The following ROBO1 variants were observed in gnomAD, a reference collection of about 807,000 sequenced individuals.
The protein encoded by ROBO1 is roundabout guidance receptor 1, also known as roundabout homolog 1.
A neutral mutation model predicts 195.9 loss-of-function variants in ROBO1; 149 were observed. The ratio of observed to expected loss-of-function variants is 0.76; its 90% confidence interval spans 0.67 to 0.87. The LOEUF (loss-of-function observed/expected upper bound fraction) is 0.87. Among genes scored for constraint, ROBO1 ranks in the 40% least tolerant of loss-of-function variants. The probability of loss-of-function intolerance (pLI) is 0.00; values close to 1 mark genes in which losing one functional copy is unlikely to be tolerated. For synonymous variants in ROBO1, 816 were observed against 733.2 expected, an observed-to-expected ratio of 1.11 and a Z score of -1.82; for missense variants, 1,933 against 2,068.3, an observed-to-expected ratio of 0.93 and a Z score of 1.27.
intron 4 of ROBO1, among the ~76,000 whole-genome samples, chr3:78,860,328 T>TATATATA (rs1559934346): frequency 1.3e-4 from 4 of 31,258 alleles, no homozygotes; most frequent in East Asian, 8.2e-4. Flanking sequence ...ATATATATAT[T>TATATATA]TTTTTTTTTT....
At chr3:79,023,874 T>A (rs1429939255) in intron 3 of ROBO1, among the ~76,000 whole-genome samples, 2 of 151,274 alleles carry the variant, frequency 1.3e-5, no homozygotes, top group African/African-American at 4.9e-5. Flanking sequence ...CGGCTATTTT[T>A]TTTTTTTTTG....
chr3:78,668,174 A>T lies in ROBO1; in HGVS notation c.1759T>A (p.Ser587Thr). 1 of 1,613,808 alleles carries T rather than the reference A, an allele frequency of 6.2e-7. No homozygotes were observed. The highest frequency in any genetic ancestry group is 1.6e-4 in the Middle Eastern group (1 of 6,062). The change falls in exon 13 of 31, where the codon TCA (serine) becomes ACA (threonine). Residue 587 changes from serine (S) to threonine (T), a missense_variant. Coordinates refer to ENST00000464233, the MANE Select transcript of ROBO1 (RefSeq NM_002941.4). Reference sequence around the variant, plus strand: ...ATATAAGATGTTGGAGTTGCTCCTGAATTCAAATTTGGTTGCCACGATAAT... The same window carrying T: ...ATATAAGATGTTGGAGTTGCTCCTGTATTCAAATTTGGTTGCCACGATAAT... Reference protein sequence around the residue: ...VTLSWQPNLNSGATPTSYIIE... With the variant: ...VTLSWQPNLNTGATPTSYIIE...
chr3:79,496,638 C>T (rs976637313), intron 2 of ROBO1, among the ~76,000 whole-genome samples: 1 of 150,844 alleles, frequency 6.6e-6, no homozygotes, highest in African/African-American at 2.4e-5. Flanking sequence ...CCACCCGCCT[C>T]GGCCTCCCAA....
At chr3:79,061,946 A>C (rs1017881987) in intron 3 of ROBO1, among the ~76,000 whole-genome samples, 1 of 152,206 alleles carries the variant, frequency 6.6e-6, no homozygotes, top group Non-Finnish European at 1.5e-5. Flanking sequence ...ATGGACAAAG[A>C]CTTCATGACT....
chr3:78,698,571 G>T (rs2081351692), intron 8 of ROBO1, among the ~76,000 whole-genome samples: 1 of 152,122 alleles, frequency 6.6e-6, no homozygotes, highest in Admixed American at 6.5e-5. Context: ...CTGATGTGGG[G>T]AAGAAGGGGA....
chr3:79,761,876 G>A (rs1704718870), intron 1 of ROBO1, among the ~76,000 whole-genome samples: 1 of 152,152 alleles, frequency 6.6e-6, no homozygotes, highest in Admixed American at 6.5e-5. Context: ...TAAACTCCCT[G>A]TTCCTAGTTA....
chr3:78,916,027 G>A (rs2038545076), intron 4 of ROBO1, among the ~76,000 whole-genome samples: 2 of 152,020 alleles, frequency 1.3e-5, no homozygotes, highest in South Asian at 2.1e-4. Context: ...CGAGGTGGGC[G>A]GATCACGAGG....
intron 4 of ROBO1, among the ~76,000 whole-genome samples, chr3:78,834,333 G>C (rs1456749604): frequency 6.6e-6 from 1 of 151,286 alleles, no homozygotes; most frequent in Admixed American, 6.6e-5. Flanking sequence ...TGGTGGGAAC[G>C]GCTTAGGTGT....
chr3:79,583,691 G>GT (rs903585058), intron 2 of ROBO1, among the ~76,000 whole-genome samples: 28 of 151,514 alleles, frequency 1.8e-4, no homozygotes, highest in South Asian at 4.2e-4. Context: ...ATCTACTAGT[G>GT]TTTTTTTTAA....
chr3:78,602,987 C>T (rs1337333277), intron 29 of ROBO1, among the ~76,000 whole-genome samples: 1 of 152,160 alleles, frequency 6.6e-6, no homozygotes, highest in Non-Finnish European at 1.5e-5. Flanking sequence ...GTCCAACATA[C>T]AACAAGTAAG....
At chr3:79,717,922 C>G (rs534381918) in intron 1 of ROBO1, among the ~76,000 whole-genome samples, 1 of 152,016 alleles carries the variant, frequency 6.6e-6, no homozygotes, top group Admixed American at 6.6e-5. Context: ...TGTTTCAATG[C>G]TTTTTGATTT....
chr3:78,980,539 A>G (rs549899684), intron 3 of ROBO1, among the ~76,000 whole-genome samples: 100 of 152,348 alleles, frequency 6.6e-4, no homozygotes, highest in Middle Eastern at 3.4e-3. Context: ...TATCTTCTTG[A>G]CTATCTTCAT....
At chr3:79,664,202 A>G (rs564879694) in intron 1 of ROBO1, among the ~76,000 whole-genome samples, 5 of 152,186 alleles carry the variant, frequency 3.3e-5, no homozygotes, top group South Asian at 2.1e-4. Flanking sequence ...CTAGGGGTCA[A>G]TGATCACCTC....
At chr3:78,961,854 G>A (rs781378991) in intron 3 of ROBO1, among the ~76,000 whole-genome samples, 5 of 151,872 alleles carry the variant, frequency 3.3e-5, no homozygotes, top group Non-Finnish European at 7.4e-5. Context: ...CACTTTTGTT[G>A]TATGTGGTAG....
At chr3:78,774,695 C>G (rs2083462860) in intron 4 of ROBO1, among the ~76,000 whole-genome samples, 1 of 151,972 alleles carries the variant, frequency 6.6e-6, no homozygotes, top group Non-Finnish European at 1.5e-5. Context: ...TGTTACAAAG[C>G]AAACAACAAT....
Position 78,614,795 on chromosome 3 carries a change from G to A in ROBO1, c.4288C>T (p.Arg1430Ter), listed in dbSNP as rs773965733. Residue 1430 changes from arginine to a stop codon, truncating the protein, a stop_gained, in exon 28 of 31, where the codon CGA becomes TGA. Transcript: ENST00000464233. LOFTEE classifies it high-confidence loss of function. The part of the protein sequence containing the change: ...RRQMQDAAGR[R>*]HFHASQCPRP... ...GGGCACTGAGACGCATGAAAATGTC[G>A]ACGGCCTAAGGAGAAAAAAAAAAAA... 9 of 1,590,770 alleles carry A rather than the reference G, an allele frequency of 5.7e-6. No homozygotes were observed. The highest frequency in any genetic ancestry group is 1.1e-5 in the South Asian group (1 of 87,900).
chr3:78,975,192 A>T, intron 3 of ROBO1, among the ~76,000 whole-genome samples: 1 of 152,146 alleles, frequency 6.6e-6, no homozygotes, highest in East Asian at 1.9e-4. Flanking sequence ...TCTCACTCTT[A>T]TATCTTCAAT....
chr3:79,568,533 G>C (rs35951469), intron 2 of ROBO1, among the ~76,000 whole-genome samples: 1 of 147,718 alleles, frequency 6.8e-6, no homozygotes, highest in Non-Finnish European at 1.5e-5. Context: ...TCATTGGGAC[G>C]CTTGCCTTCT....
At chr3:78,964,108 T>C (rs1346331788) in intron 3 of ROBO1, among the ~76,000 whole-genome samples, 1 of 152,108 alleles carries the variant, frequency 6.6e-6, no homozygotes, top group Non-Finnish European at 1.5e-5. Flanking sequence ...GCATCACCTA[T>C]CCTGATCCCT....
Sources: allele counts gnomAD v4.1 joint callset (sites outside exome capture counted in the v4.1 genomes callset), GRCh38; gene constraint gnomAD v4.1.1; transcripts MANE v1.5; gene names NCBI Gene and HGNC (gene_info 2026-07-23, HGNC 2026-07-21).